The following CIMIP7 variants were observed in gnomAD, a reference collection of about 807,000 sequenced individuals.
CIMIP7 encodes the protein uncharacterized protein C3orf84.
the CIMIP7 span, among the ~76,000 whole-genome samples, chr3:49,181,340 C>T: frequency 1.7e-5 from 1 of 58,118 alleles, no homozygotes; most frequent in Non-Finnish European, 2.8e-5. Flanking sequence ...ACTCTATCTC[C>T]AAGAAAAAAA....
At chr3:49,184,962 G>A in the CIMIP7 span, among the ~76,000 whole-genome samples, 2 of 151,332 alleles carry the variant, frequency 1.3e-5, no homozygotes. Flanking sequence ...TTTTAGAAAT[G>A]GAAGATTGAT....
At chr3:49,178,511 TGGA>T in the CIMIP7 span, 1 of 1,613,726 alleles carries the variant, frequency 6.2e-7, no homozygotes, top group Non-Finnish European at 8.5e-7. Context: ...TTGTCGTGCT[TGGA>T]GAAGAAGTGT....
the CIMIP7 span, among the ~76,000 whole-genome samples, chr3:49,186,070 G>A: frequency 7.1e-6 from 1 of 140,604 alleles, no homozygotes; most frequent in Non-Finnish European, 1.5e-5. Context: ...GCGCAATCTC[G>A]GCTCACCACA....
the CIMIP7 span, among the ~76,000 whole-genome samples, chr3:49,178,814 C>T: frequency 6.6e-6 from 1 of 152,292 alleles, no homozygotes; most frequent in Middle Eastern, 3.4e-3. Flanking sequence ...AACATCCTCC[C>T]ATCAGGGGAG....
the CIMIP7 span, chr3:49,189,968 C>T: frequency 7.7e-7 from 1 of 1,303,082 alleles, no homozygotes; most frequent in South Asian, 1.2e-5. Flanking sequence ...CTTTTGGGTT[C>T]TGGGAGAGGC....
the CIMIP7 span, among the ~76,000 whole-genome samples, chr3:49,188,885 C>T: frequency 6.6e-6 from 1 of 152,054 alleles, no homozygotes; most frequent in Non-Finnish European, 1.5e-5. Flanking sequence ...GCAACTTCTG[C>T]CTCCCAGGTT....
At chr3:49,180,929 CAAAAA>C in the CIMIP7 span, among the ~76,000 whole-genome samples, 420 of 65,912 alleles carry the variant, frequency 6.4e-3, 1 homozygote, top group Middle Eastern at 0.013. Context: ...GACTCCGTCT[CAAAAA>C]AAAAAAAAAA....
chr3:49,191,619 G>A, the CIMIP7 span: 13 of 1,016,440 alleles, frequency 1.3e-5, no homozygotes, highest in South Asian at 3.9e-5. Context: ...GGAAGTGGGC[G>A]GCTCAGGGTC....
At chr3:49,188,967 T>TA in the CIMIP7 span, among the ~76,000 whole-genome samples, 2 of 150,536 alleles carry the variant, frequency 1.3e-5, no homozygotes, top group Non-Finnish European at 3.0e-5. Context: ...CCCGGTTATT[T>TA]TTTTTTTTTT....
the CIMIP7 span, among the ~76,000 whole-genome samples, chr3:49,182,195 G>A: frequency 6.6e-6 from 1 of 152,348 alleles, no homozygotes; most frequent in African/African-American, 2.4e-5. Context: ...CAGCGTGGAA[G>A]GGGACCAAAG....
chr3:49,180,301 C>G, the CIMIP7 span, among the ~76,000 whole-genome samples: 2 of 152,154 alleles, frequency 1.3e-5, no homozygotes, highest in South Asian at 4.1e-4. Context: ...GTCCTGGCCC[C>G]AGGGCATTTA....
chr3:49,177,724 A>G, the CIMIP7 span: 1 of 1,609,984 alleles, frequency 6.2e-7, no homozygotes, highest in East Asian at 2.2e-5. Flanking sequence ...GGGTCTTGGG[A>G]TCCCTGGGAG....
the CIMIP7 span, among the ~76,000 whole-genome samples, chr3:49,190,959 G>T: frequency 6.6e-6 from 1 of 152,026 alleles, no homozygotes; most frequent in Admixed American, 6.6e-5. Flanking sequence ...GAGCCACTGC[G>T]CCTGGCCTGG....
the CIMIP7 span, among the ~76,000 whole-genome samples, chr3:49,187,695 G>A: frequency 6.6e-6 from 1 of 152,150 alleles, no homozygotes; most frequent in Non-Finnish European, 1.5e-5. Flanking sequence ...AAAGGAGAGT[G>A]GATGCTACAT....
At chr3:49,180,802 C>T in the CIMIP7 span, among the ~76,000 whole-genome samples, 8 of 151,550 alleles carry the variant, frequency 5.3e-5, no homozygotes, top group Non-Finnish European at 8.8e-5. Context: ...TGATGGCGGG[C>T]GCCTGTAGTC....
chr3:49,178,528 T>C, the CIMIP7 span: 4 of 1,613,458 alleles, frequency 2.5e-6, no homozygotes, highest in East Asian at 2.2e-5. Context: ...GAAGTGTCGC[T>C]GCGCCGGCTC....
the CIMIP7 span, chr3:49,177,876 C>A: frequency 6.2e-7 from 1 of 1,613,830 alleles, no homozygotes; most frequent in Non-Finnish European, 8.5e-7. Flanking sequence ...GGATGAGGTG[C>A]TGGGGGAGGC....
the CIMIP7 span, among the ~76,000 whole-genome samples, chr3:49,185,513 C>T: frequency 6.6e-6 from 1 of 151,690 alleles, no homozygotes; most frequent in Non-Finnish European, 1.5e-5. Context: ...TTTCAGTGAG[C>T]CAAGATCACA....
chr3:49,191,731 A>G, the CIMIP7 span: 2 of 1,593,522 alleles, frequency 1.3e-6, no homozygotes, highest in South Asian at 2.2e-5. Context: ...GATTAACATA[A>G]AGTGCACTCT....
Sources: allele counts gnomAD v4.1 joint callset (sites outside exome capture counted in the v4.1 genomes callset), GRCh38; gene constraint gnomAD v4.1.1; transcripts MANE v1.5; gene names NCBI Gene and HGNC (gene_info 2026-07-23, HGNC 2026-07-21).